CHM: variants seen among roughly 807,000 people sequenced by gnomAD.
CHM encodes the protein rab proteins geranylgeranyltransferase component A 1.
A neutral mutation model predicts 49.0 loss-of-function variants in CHM; 10 were observed. The ratio of observed to expected loss-of-function variants is 0.20; its 90% CI spans 0.13 to 0.35. The LOEUF is 0.35. Ranked by LOEUF, CHM falls within the 10% of genes least tolerant of loss-of-function variation. The pLI is 1.00. For missense variants in CHM, 455 were observed against 478.4 expected (o/e 0.95, Z 0.46); for synonymous variants, 184 against 167.5 (o/e 1.10, Z -0.76).
intron 11 of CHM, among the ~76,000 whole-genome samples, chrX:85,897,674 G>A (rs752219035): frequency 9.0e-6 from 1 of 110,871 alleles, no homozygotes; most frequent in South Asian, 3.9e-4. Context: ...AGGCACTGAG[G>A]GAAAAGGGAA....
chrX:85,959,774 T>C (rs1197253420), intron 5 of CHM, among the ~76,000 whole-genome samples: 3 of 111,599 alleles, frequency 2.7e-5, no homozygotes, highest in Non-Finnish European at 5.7e-5. Context: ...TTTCCTATAT[T>C]AAGATACTCT....
At chrX:85,888,525 C>T (rs1249957526) in intron 12 of CHM, among the ~76,000 whole-genome samples, 1 of 111,170 alleles carries the variant, frequency 9.0e-6, no homozygotes, top group African/African-American at 3.3e-5. Flanking sequence ...AAATCTTAGA[C>T]ATAATATATA....
intron 8 of CHM, among the ~76,000 whole-genome samples, chrX:85,923,882 CA>C: frequency 9.0e-6 from 1 of 110,619 alleles, no homozygotes; most frequent in Admixed American, 9.7e-5. Flanking sequence ...GGTGGAAGAA[CA>C]TTCCAAGCAG....
chrX:85,975,318 A>C (rs193031479), intron 4 of CHM, among the ~76,000 whole-genome samples: 65 of 112,425 alleles, frequency 5.8e-4, no homozygotes, highest in African/African-American at 2.0e-3. Context: ...GAAAACTTTT[A>C]TCCCAGAGAA....
At chrX:86,028,390 A>G (rs1368740562) in intron 1 of CHM, among the ~76,000 whole-genome samples, 1 of 111,976 alleles carries the variant, frequency 8.9e-6, no homozygotes, top group Admixed American at 9.5e-5. Flanking sequence ...AATGCCTCTG[A>G]GGGGGAATGG....
intron 2 of CHM, among the ~76,000 whole-genome samples, chrX:85,992,242 C>T (rs73506463): frequency 0.033 from 3,712 of 111,358 alleles, 157 homozygotes; most frequent in African/African-American, 0.11. Flanking sequence ...ATAATAATTC[C>T]ATGGCTATGA....
chrX:85,965,887 T>C (rs747103704), intron 4 of CHM, among the ~76,000 whole-genome samples: 7 of 111,964 alleles, frequency 6.3e-5, no homozygotes, highest in African/African-American at 2.3e-4. Flanking sequence ...TGTTCTATCC[T>C]AGATTTATCA....
Position 85,963,923 on chromosome X carries a change from A to C in CHM, c.444T>G (p.Thr148=), listed in dbSNP as rs748131333. The C allele has an allele frequency of 3.3e-6, 4 of 1,211,262 alleles. No homozygotes were observed. Among genetic ancestry groups the C allele is most frequent in the Non-Finnish European group, 4.5e-6 (4 of 895,450 alleles). ...GTTCTGTGAGCATTTCACAGCTCAT[A>C]GTGCTTAATGACTCATCCTCCGTAG... ...FLPTEDESLS[T]MSCEMLTEQT... Residue 148 remains threonine, a synonymous_variant, in exon 5 of 15, where the codon ACT becomes ACG. Coordinates refer to ENST00000357749, the MANE Select transcript of CHM (RefSeq NM_000390.4).
Position 85,951,465 on chromosome X carries a change from T to TA in CHM, c.1166+4687dup, listed in dbSNP as rs1198717124. On this transcript the variant is annotated intron_variant, in intron 8 of 14. Coordinates refer to ENST00000357749, the MANE Select transcript of CHM (RefSeq NM_000390.4). ...ATGACCTCCCAAAAAAAGCTAAGCA[T>TA]AAAAAAAAAAGATTGCTCTATTTGA... Among the ~76,000 whole-genome samples, 23 of 105,750 alleles carry TA rather than the reference T, an allele frequency of 2.2e-4. No homozygotes were observed. The East Asian group carries it at 3.8e-3, about 18-fold the overall frequency. The allele number at this position is 105,750 out of a possible 115,157, so 91.8% of individuals were successfully genotyped here.
intron 2 of CHM, among the ~76,000 whole-genome samples, chrX:86,012,111 G>A (rs762325863): frequency 2.7e-5 from 3 of 111,789 alleles, no homozygotes; most frequent in Non-Finnish European, 5.6e-5. Context: ...GAGGCAAAAG[G>A]AAATGCAAAA....
intron 8 of CHM, among the ~76,000 whole-genome samples, chrX:85,932,421 C>T (rs1307354242): frequency 8.9e-6 from 1 of 111,939 alleles, no homozygotes; most frequent in Non-Finnish European, 1.9e-5. Context: ...ATTTTCTACC[C>T]CAGTAACTAT....
At chrX:85,981,703 C>T in intron 3 of CHM, 34 bp downstream of exon 3, 1 of 1,046,105 alleles carries the variant, frequency 9.6e-7, no homozygotes, top group East Asian at 3.2e-5. Context: ...TACAATAAAA[C>T]AAAGCAAATT....
intron 8 of CHM, among the ~76,000 whole-genome samples, chrX:85,936,960 A>C (rs1399223365): frequency 2.7e-5 from 3 of 111,751 alleles, no homozygotes; most frequent in African/African-American, 9.8e-5. Context: ...TATCTTGAAC[A>C]ATCTTTAAAA....
At chrX:85,926,782 C>T (rs1413395891) in intron 8 of CHM, among the ~76,000 whole-genome samples, 2 of 110,696 alleles carry the variant, frequency 1.8e-5, no homozygotes, top group South Asian at 7.6e-4. Flanking sequence ...TGTAATACTT[C>T]CATTTTTAAT....
chrX:86,031,630 C>T (rs770749559), intron 1 of CHM, among the ~76,000 whole-genome samples: 5 of 112,386 alleles, frequency 4.4e-5, no homozygotes, highest in Non-Finnish European at 9.4e-5. Context: ...CACCTGAGGT[C>T]GGGAGTTCGA....
intron 8 of CHM, among the ~76,000 whole-genome samples, chrX:85,925,770 A>T (rs1603252710): frequency 8.9e-6 from 1 of 112,063 alleles, no homozygotes; most frequent in Non-Finnish European, 1.9e-5. Context: ...TCCAGAAAGA[A>T]TATACTTCTT....
At chrX:85,955,857 T>C (rs1417150721) in intron 8 of CHM, among the ~76,000 whole-genome samples, 1 of 111,781 alleles carries the variant, frequency 8.9e-6, no homozygotes, top group Non-Finnish European at 1.9e-5. Flanking sequence ...CACAATAACA[T>C]ACTATATAGT....
At chrX:85,937,950 T>G (rs6653086) in intron 8 of CHM, among the ~76,000 whole-genome samples, 42 of 111,316 alleles carry the variant, frequency 3.8e-4, no homozygotes, top group African/African-American at 1.3e-3. Context: ...TCCAATATAC[T>G]CATGAGAGTC....
At chrX:85,976,875 AACACACACACACACAC>A (rs201555478) in intron 4 of CHM, among the ~76,000 whole-genome samples, 2 of 76,308 alleles carry the variant, frequency 2.6e-5, no homozygotes, top group African/African-American at 8.0e-5. Flanking sequence ...AACACACACA[AACACACACACACACAC>A]ACACACACAC....
Sources: allele counts gnomAD v4.1 joint callset (sites outside exome capture counted in the v4.1 genomes callset), GRCh38; gene constraint gnomAD v4.1.1; transcripts MANE v1.5; gene names NCBI Gene and HGNC (gene_info 2026-07-23, HGNC 2026-07-21).